The following EVI5 variants were observed in gnomAD, a reference collection of about 807,000 sequenced individuals.
The protein encoded by EVI5 is ecotropic viral integration site 5 protein homolog.
A neutral mutation model predicts 112.0 loss-of-function variants in EVI5; 73 were observed. The ratio of observed to expected loss-of-function variants is 0.65; its 90% CI spans 0.54 to 0.79. EVI5 has a LOEUF of 0.79. EVI5 is among the 30% of genes least tolerant of loss of function. EVI5 has a pLI of 0.00. For synonymous variants in EVI5, 305 were observed against 319.9 expected, an observed-to-expected ratio of 0.95 and a Z score of 0.50; for missense variants, 900 against 968.8, an observed-to-expected ratio of 0.93 and a Z score of 0.94.
At position 92,625,776 on chromosome 1, in the gene EVI5, CA is replaced by C. The variant is rs752195787; in HGVS notation, c.1668+17del. The C allele has an allele frequency of 4.9e-5, 78 of 1,604,752 alleles. No homozygotes were observed. The highest frequency in any genetic ancestry group is 6.4e-5 in the Non-Finnish European group (75 of 1,176,188). ...TTTTACTCTCTTTTAAAAAAGCACA[CA>C]AAATATATTAATATACCTGCCAGTG... On this transcript the variant is annotated intron_variant, in intron 15 of 19. Coordinates refer to ENST00000684568, the MANE Select transcript of EVI5 (RefSeq NM_001350197.2).
intron 19 of EVI5, among the ~76,000 whole-genome samples, chr1:92,530,763 C>A (rs1344669892): frequency 6.6e-6 from 1 of 151,906 alleles, no homozygotes; most frequent in African/African-American, 2.4e-5. Context: ...GACATCCACT[C>A]AGAGACCCCA....
chr1:92,617,129 A>C (rs1425907832), intron 16 of EVI5, among the ~76,000 whole-genome samples: 1 of 152,230 alleles, frequency 6.6e-6, no homozygotes, highest in East Asian at 1.9e-4. Flanking sequence ...GCACCACCTG[A>C]AAGTGGACAG....
intron 13 of EVI5, among the ~76,000 whole-genome samples, chr1:92,644,595 TG>T (rs1660603109): frequency 6.6e-6 from 1 of 152,192 alleles, no homozygotes; most frequent in Non-Finnish European, 1.5e-5. Flanking sequence ...CTTAGATTAT[TG>T]GTTTGAGACT....
intron 2 of EVI5, among the ~76,000 whole-genome samples, chr1:92,734,987 A>C (rs1677099224): frequency 6.6e-6 from 1 of 152,214 alleles, no homozygotes; most frequent in Admixed American, 6.5e-5. Context: ...CCAAGTGTTG[A>C]CAAGGATGTA....
At chr1:92,676,438 G>A (rs912111624) in intron 10 of EVI5, among the ~76,000 whole-genome samples, 1 of 151,962 alleles carries the variant, frequency 6.6e-6, no homozygotes, top group African/African-American at 2.4e-5. Flanking sequence ...GGGGAATAAA[G>A]AGATTAGAAA....
chr1:92,620,607 A>G (rs1192334444), intron 16 of EVI5, among the ~76,000 whole-genome samples: 1 of 152,164 alleles, frequency 6.6e-6, no homozygotes, highest in Non-Finnish European at 1.5e-5. Context: ...ACAAGAAGAT[A>G]GCAGAGTGAT....
chr1:92,763,681 C>A (rs1682210387), intron 1 of EVI5, among the ~76,000 whole-genome samples: 2 of 152,024 alleles, frequency 1.3e-5, no homozygotes, highest in African/African-American at 4.8e-5. Flanking sequence ...ACCTGGAATC[C>A]CAGCACTTTA....
chr1:92,704,728 T>C lies in EVI5; in HGVS notation c.166A>G (p.Ser56Gly). The C allele has an allele frequency of 1.3e-6, 2 of 1,549,754 alleles. No individual in the cohort carries two copies. The highest frequency in any genetic ancestry group is 4.6e-5 in the East Asian group (2 of 43,938). The change falls in exon 3 of 20, where the codon AGT becomes GGT. Residue 56 changes from serine to glycine, a missense_variant. By Grantham distance (56) the Ser-to-Gly change is moderately conservative. Transcript: ENST00000684568. Reference sequence around the variant, plus strand: ...CCATTTACAGATCTTAAAGACTTACTATCCGTTTCTAACAATCTAAAATAT... The same window carrying C: ...CCATTTACAGATCTTAAAGACTTACCATCCGTTTCTAACAATCTAAAATAT... ...EEQNRLLETD[S>G]KSLRSVNGSR...
In EVI5 at chr1:92,534,258, C is replaced by T. The variant is rs560027130; in HGVS notation, c.2167-20288G>A. On this transcript the variant is annotated intron_variant, in intron 19 of 19. Coordinates refer to ENST00000684568, the MANE Select transcript of EVI5 (RefSeq NM_001350197.2). ...GGACCTCTTCAAGGAGAACTACAAA[C>T]CACTGCTCAAGGAAATAAGAGAGGA... 2.0e-5 allele frequency among the ~76,000 whole-genome samples: 3 copies of T among 152,268 alleles called. No homozygotes were observed. In the South Asian group the frequency reaches 6.2e-4, roughly 32 times the overall value.
At chr1:92,610,095 C>T (rs1651419413) in intron 16 of EVI5, among the ~76,000 whole-genome samples, 2 of 152,156 alleles carry the variant, frequency 1.3e-5, no homozygotes, top group African/African-American at 4.8e-5. Context: ...CTATGTTGCT[C>T]AGGCCAGTCT....
intron 18 of EVI5, among the ~76,000 whole-genome samples, chr1:92,597,160 CAAAA>C (rs1451930098): frequency 6.6e-6 from 1 of 151,860 alleles, no homozygotes; most frequent in Non-Finnish European, 1.5e-5. Flanking sequence ...TAGAAGAAAA[CAAAA>C]AGACAAAAAG....
rs114407559 is a variant in EVI5, at chr1:92,693,266, T to A, written c.1097+536A>T. ...TGTGCTTTAGTAGAGACAGGGTACT[T>A]CCTGTACTCAGGAAGCTGATGTGGG... On this transcript the variant is annotated intron_variant, in intron 9 of 19. Transcript: ENST00000684568. 4.6e-3 allele frequency among the ~76,000 whole-genome samples: 694 copies of A among 152,002 alleles called. 6 individuals carry two copies. The highest frequency in any genetic ancestry group is 0.016 in the African/African-American group (655 of 41,442).
intron 15 of EVI5, among the ~76,000 whole-genome samples, chr1:92,625,139 G>A (rs539728091): frequency 5.5e-4 from 84 of 152,088 alleles, no homozygotes; most frequent in Non-Finnish European, 1.0e-3. Context: ...CATTAAGGAA[G>A]GAATGTTAGA....
At chr1:92,598,724 G>A (rs1648488051) in intron 18 of EVI5, among the ~76,000 whole-genome samples, 1 of 152,004 alleles carries the variant, frequency 6.6e-6, no homozygotes, top group South Asian at 2.1e-4. Context: ...TAATTTTATA[G>A]CAAAAAACCC....
intron 19 of EVI5, among the ~76,000 whole-genome samples, chr1:92,546,033 C>T (rs1487177713): frequency 6.6e-6 from 1 of 152,028 alleles, no homozygotes; most frequent in African/African-American, 2.4e-5. Context: ...ACAGTACTGC[C>T]CACACGAACT....
At chr1:92,669,943 A>G (rs1403504622) in intron 10 of EVI5, among the ~76,000 whole-genome samples, 2 of 152,184 alleles carry the variant, frequency 1.3e-5, no homozygotes, top group Non-Finnish European at 2.9e-5. Context: ...AAAAGAAAAT[A>G]GAGACAATTT....
intron 16 of EVI5, among the ~76,000 whole-genome samples, chr1:92,612,633 C>T (rs564076426): frequency 5.3e-5 from 8 of 151,254 alleles, no homozygotes; most frequent in Admixed American, 2.0e-4. Context: ...TCGCTTCAAC[C>T]CCGGAGGCGG....
intron 16 of EVI5, among the ~76,000 whole-genome samples, chr1:92,618,589 C>T (rs1413227678): frequency 6.6e-6 from 1 of 152,150 alleles, no homozygotes; most frequent in East Asian, 1.9e-4. Context: ...GAAACTACAA[C>T]ATCCCAATCC....
intron 19 of EVI5, among the ~76,000 whole-genome samples, chr1:92,557,897 G>C (rs910446053): frequency 1.3e-4 from 20 of 148,564 alleles, no homozygotes; most frequent in African/African-American, 4.5e-4. Context: ...GCCAATTTTT[G>C]TATTTATTTA....
Sources: allele counts gnomAD v4.1 joint callset (sites outside exome capture counted in the v4.1 genomes callset), GRCh38; gene constraint gnomAD v4.1.1; transcripts MANE v1.5; gene names NCBI Gene and HGNC (gene_info 2026-07-23, HGNC 2026-07-21).